The following CPXM2 variants were observed in gnomAD, a reference collection of about 807,000 sequenced individuals.
The protein encoded by CPXM2 is inactive carboxypeptidase-like protein X2.
CPXM2 carries 66 observed loss-of-function variants against 86.1 expected under a neutral mutation model. The ratio of observed to expected loss-of-function variants is 0.77; its 90% CI spans 0.63 to 0.94. The LOEUF (loss-of-function observed/expected upper bound fraction) is 0.94, where lower values mean the gene tolerates loss of function less well. Among genes scored for constraint, CPXM2 ranks in the 40% least tolerant of loss-of-function variants. The pLI is 0.00. For missense variants in CPXM2, 948 were observed against 1,026.3 expected, an observed-to-expected ratio of 0.92 and a Z score of 1.04; for synonymous variants, 388 against 400.2, an observed-to-expected ratio of 0.97 and a Z score of 0.36.
chr10:123,915,456 G>T (rs1348434479), intron 2 of CPXM2, among the ~76,000 whole-genome samples: 1 of 152,204 alleles, frequency 6.6e-6, no homozygotes, highest in Non-Finnish European at 1.5e-5. Flanking sequence ...TATTTGGGAG[G>T]CTAAGGCAGG....
At chr10:123,840,857 G>A (rs1190492393) in intron 4 of CPXM2, among the ~76,000 whole-genome samples, 1 of 152,174 alleles carries the variant, frequency 6.6e-6, no homozygotes, top group Non-Finnish European at 1.5e-5. Flanking sequence ...CAGATGCCAG[G>A]TCCATCTCAC....
At chr10:123,845,208 C>T (rs964948471) in intron 3 of CPXM2, among the ~76,000 whole-genome samples, 14 of 151,938 alleles carry the variant, frequency 9.2e-5, no homozygotes, top group African/African-American at 2.9e-4. Context: ...GCAGGGGTGC[C>T]GTGATGGATG....
At chr10:123,894,928 A>G (rs1945323030), upstream of CPXM2, among the ~76,000 whole-genome samples, 1 of 151,836 alleles carries the variant, frequency 6.6e-6, no homozygotes, top group Non-Finnish European at 1.5e-5. Flanking sequence ...CAAGGCAACA[A>G]GCCATTCATT....
At chr10:123,904,029 T>C (rs1196956664) in intron 2 of CPXM2, among the ~76,000 whole-genome samples, 2 of 152,170 alleles carry the variant, frequency 1.3e-5, no homozygotes, top group East Asian at 1.9e-4. Flanking sequence ...GAGAAAAACA[T>C]AGATGAGCCT....
At chr10:123,791,589 G>A (rs1231665307) in intron 6 of CPXM2, among the ~76,000 whole-genome samples, 1 of 152,204 alleles carries the variant, frequency 6.6e-6, no homozygotes, top group African/African-American at 2.4e-5. Context: ...TTCTCCCTGT[G>A]TGCCTCTGTG....
rs141100203 is a variant in CPXM2, at chr10:123,797,889, G to A, written c.889+87C>T. 8.5e-3 allele frequency: 11,435 copies of A among 1,342,670 alleles called. 61 individuals carry two copies. Among genetic ancestry groups the A allele is most frequent in the Non-Finnish European group, 0.01 (10,497 of 1,025,132 alleles). 83.2% of individuals were successfully genotyped at this position (1,342,670 alleles called of 1,614,324 possible). A position where few individuals can be genotyped will look rare whatever the true frequency, so the allele number is the denominator to read the frequency against. ...AGGCATGAGCTACTGTGCCTGGTCT[G>A]CTTAGTTTATTTTTATTTGTCTTGG... On this transcript the variant is annotated intron_variant, in intron 6 of 13. Transcript: ENST00000241305.
intron 6 of CPXM2, among the ~76,000 whole-genome samples, chr10:123,792,715 G>A (rs926206593): frequency 5.9e-5 from 9 of 152,204 alleles, no homozygotes; most frequent in African/African-American, 1.9e-4. Context: ...GAAGAGAAAC[G>A]CTGATTGCCC....
chr10:123,788,782 G>C (rs1256909670), intron 6 of CPXM2, among the ~76,000 whole-genome samples: 1 of 151,472 alleles, frequency 6.6e-6, no homozygotes, highest in Non-Finnish European at 1.5e-5. Flanking sequence ...AAACTAGAGA[G>C]AGCTGGGGCT....
intron 4 of CPXM2, among the ~76,000 whole-genome samples, chr10:123,833,328 G>A (rs965418198): frequency 1.3e-5 from 2 of 152,186 alleles, no homozygotes; most frequent in African/African-American, 4.8e-5. Flanking sequence ...AAAAGTTCCT[G>A]CCGGCCAAAT....
chr10:123,770,372 C>G (rs189275159), intron 8 of CPXM2, among the ~76,000 whole-genome samples: 132 of 152,300 alleles, frequency 8.7e-4, no homozygotes, highest in African/African-American at 2.9e-3. Flanking sequence ...AGTAAATCAG[C>G]CAAATCTTTG....
At chr10:123,943,900 C>A (rs1348166613), upstream of CPXM2, among the ~76,000 whole-genome samples, 1 of 152,184 alleles carries the variant, frequency 6.6e-6, no homozygotes, top group East Asian at 1.9e-4. Context: ...TAGTGGGTAG[C>A]TCTGAGAAGG....
intron 4 of CPXM2, among the ~76,000 whole-genome samples, chr10:123,825,987 C>T (rs975045494): frequency 1.1e-4 from 17 of 152,180 alleles, no homozygotes; most frequent in Non-Finnish European, 2.1e-4. Flanking sequence ...GTCATAATCA[C>T]TTTCCATTGC....
intron 3 of CPXM2, among the ~76,000 whole-genome samples, chr10:123,849,986 G>A (rs1423747420): frequency 3.9e-5 from 6 of 152,042 alleles, no homozygotes; most frequent in Non-Finnish European, 8.8e-5. Flanking sequence ...TATCTCCTCA[G>A]GTTGGTTTTC....
chr10:123,932,493 A>C (rs1247053034), intron 2 of CPXM2, among the ~76,000 whole-genome samples: 1 of 152,238 alleles, frequency 6.6e-6, no homozygotes, highest in East Asian at 1.9e-4. Context: ...GAAAGTCTGC[A>C]AAGTCAGGCA....
intron 3 of CPXM2, among the ~76,000 whole-genome samples, chr10:123,861,920 T>C (rs1311555298): frequency 6.6e-6 from 1 of 152,156 alleles, no homozygotes; most frequent in Non-Finnish European, 1.5e-5. Flanking sequence ...TGGAGCATGG[T>C]TGGGCAGTAG....
chr10:123,820,499 A>G (rs1847902508), intron 4 of CPXM2, among the ~76,000 whole-genome samples: 1 of 152,234 alleles, frequency 6.6e-6, no homozygotes, highest in Admixed American at 6.5e-5. Flanking sequence ...GTTTTGGCCT[A>G]TGAAGGCCTC....
At chr10:123,818,607 G>A (rs1164817901) in intron 4 of CPXM2, among the ~76,000 whole-genome samples, 1 of 152,184 alleles carries the variant, frequency 6.6e-6, no homozygotes, top group Non-Finnish European at 1.5e-5. Context: ...ACGGTATTCT[G>A]CACAGCATTG....
At chr10:123,776,992 C>T (rs1396002534) in intron 7 of CPXM2, 1 of 152,190 alleles carries the variant, frequency 6.6e-6, no homozygotes, top group African/African-American at 2.4e-5. Flanking sequence ...GTCTGAGAAA[C>T]AGGCACCGCA....
At chr10:123,796,164 C>T (rs1464237549) in intron 6 of CPXM2, among the ~76,000 whole-genome samples, 3 of 152,244 alleles carry the variant, frequency 2.0e-5, no homozygotes, top group Non-Finnish European at 4.4e-5. Context: ...AGGAGGCCCA[C>T]ATCCACGATC....
Sources: allele counts gnomAD v4.1 joint callset (sites outside exome capture counted in the v4.1 genomes callset), GRCh38; gene constraint gnomAD v4.1.1; transcripts MANE v1.5; gene names NCBI Gene and HGNC (gene_info 2026-07-23, HGNC 2026-07-21).